GALNT10: variants seen among roughly 807,000 people sequenced by gnomAD.
GALNT10 encodes GalNAc transferase 10.
GALNT10 carries 41 observed loss-of-function variants against 75.0 expected under a neutral mutation model. That is an observed-to-expected ratio of 0.55 (90% CI 0.43 to 0.71). The LOEUF is 0.71. GALNT10 is among the 30% of genes least tolerant of loss of function. The pLI is 0.00. For synonymous variants in GALNT10, 302 were observed against 313.0 expected (o/e 0.96, Z 0.37); for missense variants, 727 against 818.5 (o/e 0.89, Z 1.36).
intron 1 of GALNT10, among the ~76,000 whole-genome samples, chr5:154,191,567 C>T (rs1443519504): frequency 2.6e-5 from 4 of 152,006 alleles, no homozygotes; most frequent in Non-Finnish European, 5.9e-5. Context: ...AACACCCCCG[C>T]CCCAACTCTA....
chr5:154,298,108 A>G lies in GALNT10; in HGVS notation c.401+29A>G. 1.9e-6 allele frequency: 3 copies of G among 1,600,498 alleles called. No homozygotes were observed. Among genetic ancestry groups the G allele is most frequent in the Non-Finnish European group, 2.6e-6 (3 of 1,170,026 alleles). ...AGTGTAACATCTCTCAAATTCTGAG[A>G]TCTAAGGATGTTTCCCTGGCTGTTG... On this transcript the variant is annotated intron_variant, in intron 3 of 11. Coordinates refer to ENST00000297107, the MANE Select transcript of GALNT10 (RefSeq NM_198321.4). This position sits in a 1 kb window ranked among gnomAD's most constrained non-coding sequence, Gnocchi z 4.1.
chr5:154,294,126 G>A (rs1754239481), intron 1 of GALNT10, among the ~76,000 whole-genome samples: 1 of 152,180 alleles, frequency 6.6e-6, no homozygotes, highest in Non-Finnish European at 1.5e-5. Context: ...TACAGCTTGA[G>A]CCCAGGAGTT....
chr5:154,219,581 G>A (rs1752938082), intron 1 of GALNT10: 1 of 152,138 alleles, frequency 6.6e-6, no homozygotes, highest in Admixed American at 6.5e-5. Flanking sequence ...GAATCACCTG[G>A]GCACTCTCCC....
At chr5:154,395,952 C>T (rs948259577) in intron 7 of GALNT10, among the ~76,000 whole-genome samples, 2 of 152,142 alleles carry the variant, frequency 1.3e-5, no homozygotes, top group South Asian at 2.1e-4. Flanking sequence ...CAGGTGCTTC[C>T]GATGAGGCCC....
In GALNT10 at chr5:154,298,165, A is replaced by G; in HGVS notation, c.401+86A>G. ...ATTAATTAAGGAAGCAGGTACATGG[A>G]GCCCTGCTGACGGAGACACCCTCCT... On this transcript the variant is annotated intron_variant, in intron 3 of 11. Transcript: ENST00000297107. This position sits in a 1 kb window ranked among gnomAD's most constrained non-coding sequence, Gnocchi z 4.1. 8.1e-7 allele frequency: 1 copy of G among 1,232,780 alleles called. No homozygotes were observed. The highest frequency in any genetic ancestry group is 1.2e-6 in the Non-Finnish European group (1 of 857,586). 76.4% of individuals were successfully genotyped at this position (1,232,780 alleles called of 1,614,324 possible).
chr5:154,197,799 G>T (rs1774968712), intron 1 of GALNT10, among the ~76,000 whole-genome samples: 1 of 152,170 alleles, frequency 6.6e-6, no homozygotes, highest in African/African-American at 2.4e-5. Context: ...GTTAAATATT[G>T]TTGTAACCAG....
chr5:154,369,016 C>G lies in GALNT10; in HGVS notation c.569-7261C>G, dbSNP rs183592250. 6.2e-4 allele frequency among the ~76,000 whole-genome samples: 95 copies of G among 152,304 alleles called. 1 individual carries two copies. The highest frequency in any genetic ancestry group is 2.1e-3 in the African/African-American group (89 of 41,566). ...CCAGCTGTCTGAAAACAGATTCACA[C>G]AAAACTTCTATGAGACTCATTTTCT... On this transcript the variant is annotated intron_variant, in intron 4 of 11. Transcript: ENST00000297107.
At chr5:154,366,467 C>A (rs1755476562) in intron 4 of GALNT10, among the ~76,000 whole-genome samples, 1 of 152,102 alleles carries the variant, frequency 6.6e-6, no homozygotes, top group South Asian at 2.1e-4. Flanking sequence ...AAAAAGAAAA[C>A]CCCTGAATTA....
chr5:154,416,608 C>T lies in GALNT10; in HGVS notation c.1654-206C>T, dbSNP rs751242610. Among the ~76,000 whole-genome samples, 108 of 151,996 alleles carry T rather than the reference C, an allele frequency of 7.1e-4. No individual in the cohort carries two copies. Among genetic ancestry groups the T allele is most frequent in the Non-Finnish European group, 1.2e-3 (81 of 68,026 alleles). ...TGCATCACTTCTGGCCACATCCCAG[C>T]GGGCAGAACCCAGTCCCACGGCAAT... is the stretch of plus-strand genomic sequence containing the variant. On this transcript the variant is annotated intron_variant, in intron 11 of 11. Coordinates refer to ENST00000297107, the MANE Select transcript of GALNT10 (RefSeq NM_198321.4). The surrounding 1 kb of genome is among the most constrained non-coding windows in gnomAD (Gnocchi z 4.5).
intron 1 of GALNT10, among the ~76,000 whole-genome samples, chr5:154,289,101 A>G (rs1369109037): frequency 6.6e-6 from 1 of 152,164 alleles, no homozygotes; most frequent in Non-Finnish European, 1.5e-5. Context: ...TATTCCTCCA[A>G]ACATGGTTAT....
At chr5:154,264,003 T>A (rs1172665794) in intron 1 of GALNT10, among the ~76,000 whole-genome samples, 1 of 152,170 alleles carries the variant, frequency 6.6e-6, no homozygotes, top group Non-Finnish European at 1.5e-5. Flanking sequence ...AATTTTGTGT[T>A]ATGTGATTTA....
chr5:154,203,640 C>T (rs776486653), intron 1 of GALNT10, among the ~76,000 whole-genome samples: 11 of 152,174 alleles, frequency 7.2e-5, no homozygotes, highest in Non-Finnish European at 1.3e-4. Context: ...GCCTACAAAA[C>T]TTAATTTGTA....
At position 154,307,095 on chromosome 5, in the gene GALNT10, T is replaced by C. The variant is rs141393584; in HGVS notation, c.401+9016T>C. On this transcript the variant is annotated intron_variant, in intron 3 of 11. Coordinates refer to ENST00000297107, the MANE Select transcript of GALNT10 (RefSeq NM_198321.4). ...GATTCTATAACTATTAAGAGAATAA[T>C]AAAGGAATATTCTGAACAACTTTGT... Among the ~76,000 whole-genome samples the C allele has an allele frequency of 1.9e-3, 293 of 152,264 alleles. 1 individual carries two copies. Among genetic ancestry groups the C allele is most frequent in the African/African-American group, 7.0e-3 (289 of 41,540 alleles).
At chr5:154,233,708 G>C (rs1156362630) in intron 1 of GALNT10, among the ~76,000 whole-genome samples, 1 of 152,198 alleles carries the variant, frequency 6.6e-6, no homozygotes, top group African/African-American at 2.4e-5. Flanking sequence ...TTGTCGAGTG[G>C]CTGCCATGTT....
intron 1 of GALNT10, among the ~76,000 whole-genome samples, chr5:154,272,665 T>C (rs1753884564): frequency 2.0e-5 from 3 of 152,182 alleles, no homozygotes; most frequent in African/African-American, 7.2e-5. Context: ...ACCACTTCCA[T>C]GTCAGTTTCC....
intron 3 of GALNT10, among the ~76,000 whole-genome samples, chr5:154,320,584 G>A (rs1356000999): frequency 6.6e-6 from 1 of 152,190 alleles, no homozygotes; most frequent in African/African-American, 2.4e-5. Flanking sequence ...TGGCCGCAAA[G>A]GATTCAGCTG....
chr5:154,205,275 C>T (rs1036928194), intron 1 of GALNT10, among the ~76,000 whole-genome samples: 1 of 152,234 alleles, frequency 6.6e-6, no homozygotes, highest in Admixed American at 6.5e-5. Context: ...CCTCAGTCCA[C>T]GTGGCTTCAT....
Position 154,298,736 on chromosome 5 carries a change from A to T in GALNT10, c.401+657A>T, listed in dbSNP as rs1034984700. Among the ~76,000 whole-genome samples, 2 of 152,190 alleles carry T rather than the reference A, an allele frequency of 1.3e-5. No homozygotes were observed. Among genetic ancestry groups the T allele is most frequent in the African/African-American group, 2.4e-5 (1 of 41,446 alleles). Reference sequence around the variant, plus strand: ...AATCAAAAACTATACTCTGGACCTTAAGTTATCCTGCCTCCCTGTACATTT... The same window carrying T: ...AATCAAAAACTATACTCTGGACCTTTAGTTATCCTGCCTCCCTGTACATTT... On this transcript the variant is annotated intron_variant, in intron 3 of 11. Coordinates refer to ENST00000297107, the MANE Select transcript of GALNT10 (RefSeq NM_198321.4). The surrounding 1 kb of genome is among the most constrained non-coding windows in gnomAD (Gnocchi z 4.1).
chr5:154,347,302 A>G (rs1294389265), intron 4 of GALNT10: 3 of 458,726 alleles, frequency 6.5e-6, no homozygotes, highest in Non-Finnish European at 1.3e-5. Flanking sequence ...ATTTGGATCA[A>G]GAGTGATACA....
Sources: gnomAD v4.1 joint callset for allele counts (sites outside exome capture counted in the v4.1 genomes callset) on GRCh38, gnomAD v4.1.1 for gene constraint, Gnocchi (gnomAD v3.1) non-coding constraint, MANE v1.5 for transcripts, NCBI Gene and HGNC (gene_info 2026-07-23, HGNC 2026-07-21) for gene names.